Variants in TRAK1 observed in about 807,000 individuals in gnomAD.
The protein encoded by TRAK1 is trafficking kinesin protein 1.
In TRAK1, 33 loss-of-function variants were observed where a neutral mutation model predicts 92.1. That is an observed-to-expected ratio of 0.36 (90% CI 0.27 to 0.48). The LOEUF (loss-of-function observed/expected upper bound fraction) is 0.48, where lower values mean the gene tolerates loss of function less well. TRAK1 is among the 20% of genes least tolerant of loss of function. The probability of loss-of-function intolerance (pLI) is 0.99; values close to 1 mark genes in which losing one functional copy is unlikely to be tolerated. For synonymous variants in TRAK1, 521 were observed against 517.3 expected, an observed-to-expected ratio of 1.01 and a Z score of -0.10; for missense variants, 1,123 against 1,257.9, an observed-to-expected ratio of 0.89 and a Z score of 1.62.
intron 3 of TRAK1, among the ~76,000 whole-genome samples, chr3:42,183,979 A>G (rs1704419335): frequency 6.6e-6 from 1 of 152,216 alleles, no homozygotes; most frequent in Admixed American, 6.5e-5. Flanking sequence ...CTCAGCTAAC[A>G]GAAAATTCTG....
intron 10 of TRAK1, among the ~76,000 whole-genome samples, chr3:42,197,000 TCTCACACACACACACACACACACA>T (rs1706793245): frequency 7.6e-6 from 1 of 131,078 alleles, no homozygotes; most frequent in African/African-American, 2.9e-5. Context: ...TCTCTCTCTC[TCTCACACACACACACACACACACA>T]CACACACACA....
At chr3:42,185,480 G>A (rs1166437864) in intron 4 of TRAK1, among the ~76,000 whole-genome samples, 3 of 152,124 alleles carry the variant, frequency 2.0e-5, no homozygotes, top group Admixed American at 2.0e-4. Flanking sequence ...GAATGATGCT[G>A]ATTTTCTGGA....
intron 10 of TRAK1, among the ~76,000 whole-genome samples, chr3:42,197,016 A>T (rs1329300714): frequency 0.053 from 7,911 of 149,102 alleles, 211 homozygotes; most frequent in Middle Eastern, 0.072. Flanking sequence ...ACACACACAC[A>T]CACACACACA....
chr3:42,032,838 C>G (rs1415334950), intron 1 of TRAK1, among the ~76,000 whole-genome samples: 1 of 152,088 alleles, frequency 6.6e-6, no homozygotes, highest in African/African-American at 2.4e-5. Context: ...GGGAGGATCT[C>G]TTGAGCCCGA....
intron 1 of TRAK1, among the ~76,000 whole-genome samples, chr3:42,123,884 T>C (rs962688413): frequency 6.6e-6 from 1 of 152,194 alleles, no homozygotes; most frequent in African/African-American, 2.4e-5. Flanking sequence ...TTCTCATGCC[T>C]GTAATCCCAG....
chr3:42,218,115 C>A, intron 14 of TRAK1: 7 of 985,324 alleles, frequency 7.1e-6, no homozygotes, highest in Non-Finnish European at 6.0e-6. Flanking sequence ...TTGCCTTGTT[C>A]CTCTAGTCAC....
upstream of TRAK1, among the ~76,000 whole-genome samples, chr3:42,089,660 T>C (rs1576286748): frequency 1.4e-5 from 2 of 141,570 alleles, no homozygotes; most frequent in South Asian, 2.4e-4. Context: ...GACATTTTAT[T>C]TGATGCTTTT....
At chr3:42,151,190 T>C (rs551305649) in intron 2 of TRAK1, 18 of 356,478 alleles carry the variant, frequency 5.0e-5, no homozygotes, top group African/African-American at 3.5e-4. Flanking sequence ...AGGAAGAAGG[T>C]TTCCTAATAC....
chr3:42,186,001 G>A lies in TRAK1; in HGVS notation c.480+1200G>A, dbSNP rs9286742. Among the ~76,000 whole-genome samples the A allele has an allele frequency of 6.1e-4, 15 of 24,634 alleles. 1 individual carries two copies. In the South Asian group the frequency reaches 0.019, roughly 31 times the overall value. The allele number at this position is 24,634 out of a possible 152,430, so 16.2% of individuals were successfully genotyped here. A position where few individuals can be genotyped will look rare whatever the true frequency, so the allele number is the denominator to read the frequency against. Reference sequence around the variant, plus strand: ...TTTTTTTTTTTTTTTTTTTTTTTTTGAGATAAGGTCTCACTCTGTCACTCA... The same window carrying A: ...TTTTTTTTTTTTTTTTTTTTTTTTTAAGATAAGGTCTCACTCTGTCACTCA... On this transcript the variant is annotated intron_variant, in intron 4 of 15. Coordinates refer to ENST00000327628, the MANE Select transcript of TRAK1 (RefSeq NM_001042646.3).
chr3:42,130,320 A>G lies in TRAK1; in HGVS notation c.286+4706A>G, dbSNP rs912792331. On this transcript the variant is annotated intron_variant, in intron 2 of 15. Coordinates refer to ENST00000327628, the MANE Select transcript of TRAK1 (RefSeq NM_001042646.3). ...TGGTTAAGGAGCATTGATTGAGGGA[A>G]AAAAAAAAAAATCCATATCTCACCT... Among the ~76,000 whole-genome samples, 135 of 50,398 alleles carry G rather than the reference A, an allele frequency of 2.7e-3. 1 individual carries two copies. The highest frequency in any genetic ancestry group is 9.3e-3 in the African/African-American group (112 of 12,084). 33.1% of individuals were successfully genotyped at this position (50,398 alleles called of 152,430 possible).
chr3:42,220,970 G>C (rs1710284442), intron 15 of TRAK1, among the ~76,000 whole-genome samples: 1 of 151,892 alleles, frequency 6.6e-6, no homozygotes, highest in Non-Finnish European at 1.5e-5. Context: ...TAACTAGATG[G>C]CACTCCTGAC....
chr3:42,076,295 G>A (rs1405399219), intron 1 of TRAK1, among the ~76,000 whole-genome samples: 4 of 129,310 alleles, frequency 3.1e-5, no homozygotes, highest in Non-Finnish European at 6.2e-5. Flanking sequence ...GTGCGATCTC[G>A]GCTCATGGCA....
chr3:42,038,388 G>C (rs1022496385), intron 1 of TRAK1, among the ~76,000 whole-genome samples: 4 of 152,172 alleles, frequency 2.6e-5, no homozygotes, highest in African/African-American at 9.7e-5. Context: ...GCAGTGGTGT[G>C]ATCACAGCTT....
chr3:42,212,993 C>T (rs577515881), intron 14 of TRAK1, among the ~76,000 whole-genome samples: 2 of 151,724 alleles, frequency 1.3e-5, no homozygotes, highest in African/African-American at 4.8e-5. Context: ...CGAATCATGG[C>T]ATCTTGACAT....
At chr3:42,169,925 G>A (rs1457798432) in intron 2 of TRAK1, among the ~76,000 whole-genome samples, 1 of 152,178 alleles carries the variant, frequency 6.6e-6, no homozygotes, top group East Asian at 1.9e-4. Flanking sequence ...CCTTCTTTTT[G>A]GCCTGTGGGA....
At chr3:42,149,134 G>A (rs1366528856) in intron 2 of TRAK1, 2 of 960,700 alleles carry the variant, frequency 2.1e-6, no homozygotes, top group African/African-American at 3.5e-5. Context: ...TGAAAGATGA[G>A]CGGCGAGCAG....
At chr3:42,063,479 A>G (rs2148928477) in intron 1 of TRAK1, among the ~76,000 whole-genome samples, 1 of 152,274 alleles carries the variant, frequency 6.6e-6, no homozygotes, top group South Asian at 2.1e-4. Context: ...TGAGATCAGG[A>G]GTTTGAGACC....
In TRAK1 at chr3:42,202,635, A is replaced by G. The variant is rs776424759; in HGVS notation, c.1627A>G (p.Ser543Gly). ...LRSGSLTPTE[S>G]IMSLGTHSRF... Reference sequence around the variant, plus strand: ...CAGCGGCTCCCTCACACCCACTGAGAGCATCATGTCCCTGGGCACGCACTC... The same window carrying G: ...CAGCGGCTCCCTCACACCCACTGAGGGCATCATGTCCCTGGGCACGCACTC... The change falls in exon 13 of 16, where the codon AGC (serine) becomes GGC (glycine). Residue 543 changes from serine (S) to glycine (G), a missense_variant. By Grantham distance (56) the Ser-to-Gly change is moderately conservative. Around this residue, in one of 3 missense-constraint regions of TRAK1, gnomAD observed 686 missense variants for 747.6 expected, o/e 0.92. Transcript: ENST00000327628. This position sits in a 1 kb window ranked among gnomAD's most constrained non-coding sequence, Gnocchi z 6.1. The G allele has an allele frequency of 3.7e-6, 6 of 1,610,554 alleles. No individual in the cohort carries two copies. In the East Asian group the frequency reaches 1.3e-4, roughly 36 times the overall value.
chr3:42,156,393 C>T (rs140118228), intron 2 of TRAK1, among the ~76,000 whole-genome samples: 11 of 152,300 alleles, frequency 7.2e-5, no homozygotes, highest in African/African-American at 2.4e-4. Flanking sequence ...AATGGGGTGA[C>T]ATGAAGAGTC....
Sources: gnomAD v4.1 joint callset for allele counts (sites outside exome capture counted in the v4.1 genomes callset) on GRCh38, gnomAD v4.1.1 for gene constraint, gnomAD v4.1.1 regional missense constraint, Gnocchi (gnomAD v3.1) non-coding constraint, MANE v1.5 for transcripts, NCBI Gene and HGNC (gene_info 2026-07-23, HGNC 2026-07-21) for gene names.